PHF24: variants seen among roughly 807,000 people sequenced by gnomAD.
The protein encoded by PHF24 is Galpha inhibitory interacting protein.
PHF24 carries 25 observed loss-of-function variants against 42.6 expected under a neutral mutation model. The observed-to-expected ratio is 0.59, with a 90% confidence interval of 0.43 to 0.82. The LOEUF (loss-of-function observed/expected upper bound fraction) is 0.82. Ranked by LOEUF, PHF24 falls within the 40% of genes least tolerant of loss-of-function variation. The pLI is 0.00. For synonymous variants in PHF24, 185 were observed against 204.8 expected (o/e 0.90, Z 0.83); for missense variants, 470 against 538.1 (o/e 0.87, Z 1.25).
chr9:34,858,211 T>C, the PHF24 span, among the ~76,000 whole-genome samples: 42,832 of 152,098 alleles, frequency 0.28, 7,514 homozygotes, highest in East Asian at 0.54. Context: ...CTCATGGCCA[T>C]GCATTGGTAT....
At chr9:34,823,940 C>G in the PHF24 span, among the ~76,000 whole-genome samples, 20 of 152,316 alleles carry the variant, frequency 1.3e-4, 1 homozygote, top group South Asian at 8.3e-4. Flanking sequence ...ACAGTGTTAG[C>G]AGGCCCACTA....
At chr9:34,715,294 G>A in the PHF24 span, among the ~76,000 whole-genome samples, 1 of 152,140 alleles carries the variant, frequency 6.6e-6, no homozygotes, top group Non-Finnish European at 1.5e-5. Context: ...GTAGAAGAGA[G>A]TGAGGAGCTC....
chr9:34,943,645 A>T, the PHF24 span, among the ~76,000 whole-genome samples: 1 of 149,018 alleles, frequency 6.7e-6, no homozygotes, highest in Non-Finnish European at 1.5e-5. Context: ...CCTTTTCAGG[A>T]AAAAAAAACT....
the PHF24 span, chr9:34,838,378 T>G: frequency 9.9e-7 from 1 of 1,013,538 alleles, no homozygotes; most frequent in Non-Finnish European, 1.5e-6. Flanking sequence ...AACTTCCAAG[T>G]TCAATTCATG....
At chr9:34,673,887 C>T in the PHF24 span, among the ~76,000 whole-genome samples, 37 of 152,196 alleles carry the variant, frequency 2.4e-4, 2 homozygotes, top group South Asian at 7.5e-3. Flanking sequence ...TCCCAGAGTG[C>T]TGGGATTACA....
the PHF24 span, among the ~76,000 whole-genome samples, chr9:34,928,434 C>T: frequency 2.0e-5 from 3 of 152,038 alleles, no homozygotes; most frequent in Non-Finnish European, 4.4e-5. Flanking sequence ...AATATATACA[C>T]CTATATACCC....
the PHF24 span, among the ~76,000 whole-genome samples, chr9:34,862,012 T>C: frequency 5.9e-5 from 9 of 152,152 alleles, no homozygotes; most frequent in South Asian, 2.1e-4. Flanking sequence ...CATGATGGGG[T>C]TCTGGTAAGG....
the PHF24 span, among the ~76,000 whole-genome samples, chr9:34,951,739 C>G: frequency 1.3e-5 from 2 of 152,226 alleles, no homozygotes; most frequent in Admixed American, 1.3e-4. Context: ...TAATTTGTTA[C>G]AGCAGCAATA....
the PHF24 span, among the ~76,000 whole-genome samples, chr9:34,900,788 C>T: frequency 6.6e-6 from 1 of 152,120 alleles, no homozygotes; most frequent in African/African-American, 2.4e-5. Context: ...ATTAATGCCA[C>T]TATAAAAACG....
the PHF24 span, among the ~76,000 whole-genome samples, chr9:34,811,322 A>C: frequency 2.6e-5 from 4 of 152,188 alleles, no homozygotes; most frequent in Admixed American, 2.6e-4. Flanking sequence ...CTTAATTCTC[A>C]ATGCAACCGT....
the PHF24 span, among the ~76,000 whole-genome samples, chr9:34,804,620 C>T: frequency 1.3e-5 from 2 of 152,272 alleles, no homozygotes; most frequent in South Asian, 2.1e-4. Flanking sequence ...TAAGAAACCA[C>T]CCCCAAGGAC....
chr9:34,712,514 C>CT, the PHF24 span, among the ~76,000 whole-genome samples: 7 of 151,664 alleles, frequency 4.6e-5, 1 homozygote, highest in South Asian at 4.2e-4. Flanking sequence ...AATACTGATC[C>CT]TTTTTTTTCT....
At chr9:34,855,794 C>A in the PHF24 span, among the ~76,000 whole-genome samples, 1 of 152,102 alleles carries the variant, frequency 6.6e-6, no homozygotes, top group Non-Finnish European at 1.5e-5. Context: ...GTTCTCTGGA[C>A]TTCCTGAATT....
the PHF24 span, chr9:34,835,794 G>A: frequency 3.2e-6 from 5 of 1,539,898 alleles, no homozygotes; most frequent in Non-Finnish European, 4.4e-6. Context: ...ACAGTGTTGG[G>A]TTTATAGATG....
the PHF24 span, among the ~76,000 whole-genome samples, chr9:34,688,927 G>C: frequency 6.6e-6 from 1 of 152,208 alleles, no homozygotes; most frequent in Non-Finnish European, 1.5e-5. Context: ...GGACAAACCA[G>C]CAACTATAAG....
chr9:34,915,117 C>G, the PHF24 span, among the ~76,000 whole-genome samples: 10 of 148,122 alleles, frequency 6.8e-5, no homozygotes, highest in Non-Finnish European at 1.5e-4. Context: ...ACTGCAGCCT[C>G]GACCTCCTGG....
the PHF24 span, among the ~76,000 whole-genome samples, chr9:34,740,141 C>G: frequency 3.4e-3 from 516 of 152,358 alleles, 2 homozygotes; most frequent in Non-Finnish European, 3.6e-3. Flanking sequence ...TTCTCCATGT[C>G]CCCACCAGAC....
At chr9:34,691,252 G>A in the PHF24 span, 1 of 831,676 alleles carries the variant, frequency 1.2e-6, no homozygotes, top group African/African-American at 1.7e-5. Context: ...GAAATGCAAG[G>A]TGTGAGTGAT....
At chr9:34,671,921 A>AT in the PHF24 span, among the ~76,000 whole-genome samples, 3 of 151,292 alleles carry the variant, frequency 2.0e-5, no homozygotes, top group Non-Finnish European at 4.4e-5. Flanking sequence ...TCTTTCATTT[A>AT]TTTTTTCATA....
Sources: allele counts gnomAD v4.1 joint callset (sites outside exome capture counted in the v4.1 genomes callset), GRCh38; gene constraint gnomAD v4.1.1; transcripts MANE v1.5; gene names NCBI Gene and HGNC (gene_info 2026-07-23, HGNC 2026-07-21).